Variants in TANC2 observed in about 807,000 individuals in gnomAD.
TANC2 encodes protein TANC2.
TANC2 carries 26 observed loss-of-function variants against 210.5 expected under a neutral mutation model. The ratio of observed to expected loss-of-function variants is 0.12; its 90% confidence interval spans 0.09 to 0.17. The LOEUF (loss-of-function observed/expected upper bound fraction) is 0.17. Ranked by LOEUF, TANC2 falls within the 10% of genes least tolerant of loss-of-function variation. The probability of loss-of-function intolerance (pLI) is 1.00; values close to 1 mark genes in which losing one functional copy is unlikely to be tolerated. For synonymous variants in TANC2, 931 were observed against 967.1 expected, an observed-to-expected ratio of 0.96 and a Z score of 0.69; for missense variants, 2,129 against 2,608.9, an observed-to-expected ratio of 0.82 and a Z score of 4.01.
chr17:63,238,104 T>C (rs1210495154), intron 8 of TANC2, 27 bp downstream of exon 8: 5 of 1,508,476 alleles, frequency 3.3e-6, no homozygotes, highest in Admixed American at 2.3e-5. Context: ...GTTGTTGTTG[T>C]TGCTGTTGTT....
chr17:62,986,639 CTG>C (rs1351847803), intron 1 of TANC2, among the ~76,000 whole-genome samples: 1 of 151,696 alleles, frequency 6.6e-6, no homozygotes, highest in Non-Finnish European at 1.5e-5. Flanking sequence ...AGGCGCATGA[CTG>C]TATGGCTAGC....
chr17:63,279,895 T>A (rs1178813433), intron 9 of TANC2, among the ~76,000 whole-genome samples: 2 of 152,130 alleles, frequency 1.3e-5, no homozygotes, highest in African/African-American at 4.8e-5. Context: ...AGAGTTCTTT[T>A]CAGAGACATG....
At chr17:63,413,189 AC>A in intron 24 of TANC2, 1 of 223,700 alleles carries the variant, frequency 4.5e-6, no homozygotes, top group Non-Finnish European at 8.6e-6. Flanking sequence ...CCCTTTTTGG[AC>A]TTTTCAAATC....
chr17:63,362,072 A>G (rs1243069177), intron 14 of TANC2, among the ~76,000 whole-genome samples: 31 of 132,274 alleles, frequency 2.3e-4, no homozygotes, highest in East Asian at 4.4e-4. Flanking sequence ...CCTGGAGTGG[A>G]TAGCTCCTAT....
At chr17:63,398,833 C>T (rs776161919) in exon 19 of TANC2, 3 of 1,585,514 alleles carry the variant, frequency 1.9e-6, no homozygotes, top group Non-Finnish European at 2.6e-6. Flanking sequence ...TGTCTCCTAC[C>T]TACTTGATCT....
Position 63,255,903 on chromosome 17 carries a change from C to CTT in TANC2, c.1034-11824_1034-11823dup, listed in dbSNP as rs1170508286. ...TCATTAAGTTGTTTATTTGACTTTT[C>CTT]TTTTTTTTTTTTTTTTTTTTTTGAG... On this transcript the variant is annotated intron_variant, in intron 8 of 27. Coordinates refer to ENST00000689528, the Ensembl canonical transcript of TANC2. Among the ~76,000 whole-genome samples, 443 of 84,156 alleles carry CTT rather than the reference C, an allele frequency of 5.3e-3. 4 individuals are homozygous for CTT. Among genetic ancestry groups the CTT allele is most frequent in the African/African-American group, 8.9e-3 (183 of 20,472 alleles). The allele number at this position is 84,156 out of a possible 152,430, so 55.2% of individuals were successfully genotyped here. A position where few individuals can be genotyped will look rare whatever the true frequency, so the allele number is the denominator to read the frequency against.
intron 5 of TANC2, among the ~76,000 whole-genome samples, chr17:63,156,777 C>G (rs1439651830): frequency 6.6e-6 from 1 of 152,028 alleles, no homozygotes; most frequent in Non-Finnish European, 1.5e-5. Flanking sequence ...ATACTGCAAC[C>G]ACCAACTCCT....
At chr17:63,243,998 G>A (rs1518773) in intron 8 of TANC2, among the ~76,000 whole-genome samples, 361 of 152,240 alleles carry the variant, frequency 2.4e-3, no homozygotes, top group Middle Eastern at 6.8e-3. Context: ...AAAAAAGTCA[G>A]AGCCAAATCA....
chr17:63,129,641 T>G (rs976899965), intron 4 of TANC2, among the ~76,000 whole-genome samples: 8 of 152,276 alleles, frequency 5.3e-5, no homozygotes, highest in African/African-American at 1.9e-4. Context: ...CATAAGTAGC[T>G]GTACATGAGA....
intron 15 of TANC2, among the ~76,000 whole-genome samples, chr17:63,387,659 T>C (rs1379964304): frequency 1.3e-5 from 2 of 152,238 alleles, no homozygotes; most frequent in Admixed American, 6.5e-5. Flanking sequence ...TTTCCTTCTT[T>C]AACTGATTTG....
chr17:63,151,506 A>G (rs968556012), intron 5 of TANC2, 126 bp downstream of exon 5: 4 of 245,254 alleles, frequency 1.6e-5, no homozygotes, highest in East Asian at 1.8e-4. Context: ...CTGATTGCCT[A>G]TTCTTCTTAA....
intron 9 of TANC2, among the ~76,000 whole-genome samples, chr17:63,313,002 T>C (rs1193758060): frequency 6.6e-6 from 1 of 152,192 alleles, no homozygotes; most frequent in African/African-American, 2.4e-5. Context: ...CACATGTATG[T>C]GTGCGTGTGT....
intron 8 of TANC2, among the ~76,000 whole-genome samples, chr17:63,259,255 C>T (rs937759406): frequency 1.3e-5 from 2 of 152,132 alleles, no homozygotes; most frequent in African/African-American, 4.8e-5. Flanking sequence ...GGAAGGAAGG[C>T]ATCTCCCAGA....
chr17:63,285,281 CTATT>C (rs138095569), intron 9 of TANC2, among the ~76,000 whole-genome samples: 22,461 of 151,858 alleles, frequency 0.15, 2,033 homozygotes, highest in Middle Eastern at 0.21. Context: ...TTTATCCTAT[CTATT>C]CCTTGTTCTC....
At chr17:63,077,793 G>A (rs2036624320) in intron 3 of TANC2, among the ~76,000 whole-genome samples, 2 of 152,122 alleles carry the variant, frequency 1.3e-5, no homozygotes, top group African/African-American at 2.4e-5. Context: ...TAATTATGTG[G>A]TACAAATAGC....
At chr17:63,102,133 T>C (rs959536921) in intron 4 of TANC2, among the ~76,000 whole-genome samples, 1 of 152,024 alleles carries the variant, frequency 6.6e-6, no homozygotes, top group Non-Finnish European at 1.5e-5. Flanking sequence ...AGACCTTGTC[T>C]CTACAACAAA....
chr17:63,347,237 A>G (rs1192682218), intron 12 of TANC2, among the ~76,000 whole-genome samples: 1 of 152,230 alleles, frequency 6.6e-6, no homozygotes, highest in Non-Finnish European at 1.5e-5. Context: ...ATTAAAAAGG[A>G]ACAAAATAAT....
chr17:63,389,640 A>G, intron 17 of TANC2, 96 bp downstream of exon 17: 2 of 1,207,832 alleles, frequency 1.7e-6, no homozygotes, highest in Non-Finnish European at 2.4e-6. Flanking sequence ...GAGTCTGGGT[A>G]GAGTATATCA....
Position 63,412,620 on chromosome 17 carries a change from TCACC to T in TANC2, c.3899-59_3899-56del. On this transcript the variant is annotated intron_variant, in intron 23 of 27. Coordinates refer to ENST00000689528, the Ensembl canonical transcript of TANC2. This position sits in a 1 kb window ranked among gnomAD's most constrained non-coding sequence, Gnocchi z 4.2. ...TGCTTTTTCCTTCTTTTTTTTTTTT[TCACC>T]TTCATCCATTTTTTTTTCCTCTCCT... is the stretch of plus-strand genomic sequence containing the variant. 6 of 1,416,320 alleles carry T rather than the reference TCACC, an allele frequency of 4.2e-6. No homozygotes were observed. The highest frequency in any genetic ancestry group is 4.3e-5 in the Admixed American group (2 of 46,472). 87.7% of individuals were successfully genotyped at this position (1,416,320 alleles called of 1,614,324 possible).
Sources: allele counts gnomAD v4.1 joint callset (sites outside exome capture counted in the v4.1 genomes callset), GRCh38; gene constraint gnomAD v4.1.1; non-coding constraint Gnocchi (gnomAD v3.1); transcripts MANE v1.5; gene names NCBI Gene and HGNC (gene_info 2026-07-23, HGNC 2026-07-21).